Variants in KCNQ1OT1 observed in about 807,000 individuals in gnomAD.
KCNQ1OT1 encodes KCNQ1 antisense RNA 2 (non-protein coding).
exon 1 of KCNQ1OT1, chr11:2,633,821 G>C (rs1347660523): frequency 5.0e-6 from 2 of 398,460 alleles, no homozygotes; most frequent in Non-Finnish European, 8.8e-6. Context: ...CAAAAGCCAT[G>C]TATATTCAAG....
In KCNQ1OT1 at chr11:2,652,525, C is replaced by T; in HGVS notation, n.47470G>A. On this transcript the variant is annotated non_coding_transcript_exon_variant, in exon 1 of 1. Coordinates refer to ENST00000597346, the Ensembl canonical transcript of KCNQ1OT1. The surrounding 1 kb of genome is among the most constrained non-coding windows in gnomAD (Gnocchi z 5.9). ...TGGGGAATGTCCTGTGAGCTCAACT[C>T]TTGGAGAAGATAGTGCTTAACCCAG... 2.5e-6 allele frequency: 1 copy of T among 398,620 alleles called. No homozygotes were observed. The highest frequency in any genetic ancestry group is 4.4e-5 in the Admixed American group (1 of 22,738). The allele number at this position is 398,620 out of a possible 1,614,324, so 24.7% of individuals were successfully genotyped here.
At position 2,661,878 on chromosome 11, in the gene KCNQ1OT1, C is replaced by A; in HGVS notation, n.38117G>T. ...GCACAAGCTCCACTCCTCACCTGGC[C>A]CTGGGAGCTCACAGGCCTGGCTCCA... On this transcript the variant is annotated non_coding_transcript_exon_variant, in exon 1 of 1. Transcript: ENST00000597346. The surrounding 1 kb of genome is among the most constrained non-coding windows in gnomAD (Gnocchi z 5.9). 1 of 1,572,482 alleles carries A rather than the reference C, an allele frequency of 6.4e-7. No homozygotes were observed. Among genetic ancestry groups the A allele is most frequent in the Non-Finnish European group, 8.7e-7 (1 of 1,143,662 alleles).
At position 2,658,691 on chromosome 11, in the gene KCNQ1OT1, TATG is replaced by T. The variant is rs532335709; in HGVS notation, n.41301_41303del. 12 of 398,578 alleles carry T rather than the reference TATG, an allele frequency of 3.0e-5. No individual in the cohort carries two copies. The East Asian group carries it at 3.9e-4, about 13-fold the overall frequency. 24.7% of individuals were successfully genotyped at this position (398,578 alleles called of 1,614,324 possible). A position where few individuals can be genotyped will look rare whatever the true frequency, so the allele number is the denominator to read the frequency against. On this transcript the variant is annotated non_coding_transcript_exon_variant, in exon 1 of 1. Transcript: ENST00000597346. The surrounding 1 kb of genome is among the most constrained non-coding windows in gnomAD (Gnocchi z 4.9). ...TCTCAGTGGACAGAGCTAGGAAATA[TATG>T]TATGTATGTAACCTGAGTACACATA...
exon 1 of KCNQ1OT1, chr11:2,681,206 G>T (rs140575225): frequency 5.0e-6 from 2 of 398,484 alleles, no homozygotes; most frequent in African/African-American, 2.1e-5. Flanking sequence ...CAGTGTTTGT[G>T]TTCTATGAAG....
exon 1 of KCNQ1OT1, chr11:2,650,430 G>C (rs191052632): frequency 2.5e-6 from 1 of 398,426 alleles, no homozygotes; most frequent in Non-Finnish European, 4.4e-6. Flanking sequence ...CTGTACACGC[G>C]TCTGTAGTAT....
rs375725704 is a variant in KCNQ1OT1 at position 2,670,652 on chromosome 11, C to A, written n.29343G>T. 2.5e-6 allele frequency: 1 copy of A among 398,578 alleles called. No homozygotes were observed. Among genetic ancestry groups the A allele is most frequent in the Non-Finnish European group, 4.4e-6 (1 of 226,098 alleles). 24.7% of individuals were successfully genotyped at this position (398,578 alleles called of 1,614,324 possible). ...TGCATGGCAGAGGCCAGGATGAACC[C>A]TGAAGATTGGTAGGAAGGCAGTGTA... is the stretch of plus-strand genomic sequence containing the variant. On this transcript the variant is annotated non_coding_transcript_exon_variant, in exon 1 of 1. Coordinates refer to ENST00000597346, the Ensembl canonical transcript of KCNQ1OT1. The surrounding 1 kb of genome is among the most constrained non-coding windows in gnomAD (Gnocchi z 4.9).
At position 2,608,879 on chromosome 11, in the gene KCNQ1OT1, C is replaced by T. The variant is rs1361183261; in HGVS notation, n.91116G>A. The T allele has an allele frequency of 5.0e-6, 2 of 398,122 alleles. No individual in the cohort carries two copies. Among genetic ancestry groups the T allele is most frequent in the East Asian group, 3.6e-5 (1 of 28,070 alleles). 24.7% of individuals were successfully genotyped at this position (398,122 alleles called of 1,614,324 possible). A position where few individuals can be genotyped will look rare whatever the true frequency, so the allele number is the denominator to read the frequency against. ...TCTCCCCCTTTGCCTCATGCACTTCCCTCTCTGTCTTTCCTCCTCCCCCTC... is the reference window on the plus strand; with the variant it reads ...TCTCCCCCTTTGCCTCATGCACTTCTCTCTCTGTCTTTCCTCCTCCCCCTC... On this transcript the variant is annotated non_coding_transcript_exon_variant, in exon 1 of 1. Coordinates refer to ENST00000597346, the Ensembl canonical transcript of KCNQ1OT1. This position sits in a 1 kb window ranked among gnomAD's most constrained non-coding sequence, Gnocchi z 4.6.
exon 1 of KCNQ1OT1, chr11:2,655,838 T>G (rs1369905461): frequency 2.5e-6 from 1 of 398,356 alleles, no homozygotes; most frequent in Non-Finnish European, 4.4e-6. Flanking sequence ...GACAATAACC[T>G]CTCCTCTTGA....
Position 2,624,449 on chromosome 11 carries a change from C to G in KCNQ1OT1, n.75546G>C. 2.5e-6 allele frequency: 1 copy of G among 398,358 alleles called. No individual in the cohort carries two copies. The highest frequency in any genetic ancestry group is 3.6e-5 in the East Asian group (1 of 28,056). The allele number at this position is 398,358 out of a possible 1,614,324, so 24.7% of individuals were successfully genotyped here. A position where few individuals can be genotyped will look rare whatever the true frequency, so the allele number is the denominator to read the frequency against. ...AGTCTAGCTTATCAATTATTTCTTT[C>G]ATGAATCATGCCTTTGGTGTCATAT... is the stretch of plus-strand genomic sequence containing the variant. On this transcript the variant is annotated non_coding_transcript_exon_variant, in exon 1 of 1. Transcript: ENST00000597346. This position sits in a 1 kb window ranked among gnomAD's most constrained non-coding sequence, Gnocchi z 4.9.
Position 2,683,584 on chromosome 11 carries a change from C to G in KCNQ1OT1, n.16411G>C, listed in dbSNP as rs1231309906. The G allele has an allele frequency of 2.5e-6, 1 of 398,548 alleles. No individual in the cohort carries two copies. The highest frequency in any genetic ancestry group is 2.1e-5 in the African/African-American group (1 of 48,638). The allele number at this position is 398,548 out of a possible 1,614,324, so 24.7% of individuals were successfully genotyped here. On this transcript the variant is annotated non_coding_transcript_exon_variant, in exon 1 of 1. Coordinates refer to ENST00000597346, the Ensembl canonical transcript of KCNQ1OT1. This position sits in a 1 kb window ranked among gnomAD's most constrained non-coding sequence, Gnocchi z 4.7. ...ACTGACTGGCATCACAAACACTGCCCTGAAATGCCAACTCATTTCAAATAC... is the reference window on the plus strand; with the variant it reads ...ACTGACTGGCATCACAAACACTGCCGTGAAATGCCAACTCATTTCAAATAC...
exon 1 of KCNQ1OT1, chr11:2,689,067 CG>C (rs2133889812): frequency 2.5e-6 from 1 of 398,788 alleles, no homozygotes; most frequent in South Asian, 1.3e-4. Context: ...TCCTCCTCCC[CG>C]GTGGCACATC....
rs1850713334 is a variant in KCNQ1OT1 at position 2,698,334 on chromosome 11, C to G, written n.1661G>C. 1 of 398,586 alleles carries G rather than the reference C, an allele frequency of 2.5e-6. No homozygotes were observed. Among genetic ancestry groups the G allele is most frequent in the Non-Finnish European group, 4.4e-6 (1 of 226,060 alleles). The allele number at this position is 398,586 out of a possible 1,614,324, so 24.7% of individuals were successfully genotyped here. On this transcript the variant is annotated non_coding_transcript_exon_variant, in exon 1 of 1. Transcript: ENST00000597346. This position sits in a 1 kb window ranked among gnomAD's most constrained non-coding sequence, Gnocchi z 5.1. ...ACCAGAACAGTGCTGTGGGAAGGCA[C>G]TCTTACTCTCAATTTTATATAAAAG...
chr11:2,622,295 G>A (rs1715288517), exon 1 of KCNQ1OT1: 1 of 398,146 alleles, frequency 2.5e-6, no homozygotes, highest in Non-Finnish European at 4.4e-6. Context: ...TTCTCAGTAT[G>A]TAATGTCCTC....
chr11:2,675,926 C>CT (rs1174551824), exon 1 of KCNQ1OT1: 3 of 398,570 alleles, frequency 7.5e-6, no homozygotes, highest in African/African-American at 6.2e-5. Flanking sequence ...ATACAACAGT[C>CT]TTTACACACA....
chr11:2,656,619 T>C (rs1849852615), exon 1 of KCNQ1OT1: 5 of 398,690 alleles, frequency 1.3e-5, no homozygotes, highest in Non-Finnish European at 1.8e-5. Context: ...CATTTTCTAT[T>C]AAGTCATTTA....
chr11:2,696,750 T>C (rs915351021), exon 1 of KCNQ1OT1: 2 of 398,596 alleles, frequency 5.0e-6, no homozygotes, highest in East Asian at 7.1e-5. Context: ...AGTTTTAAAA[T>C]TTTTTCCATA....
chr11:2,671,767 A>G lies in KCNQ1OT1; in HGVS notation n.28228T>C. 2.5e-6 allele frequency: 1 copy of G among 398,746 alleles called. No homozygotes were observed. 24.7% of individuals were successfully genotyped at this position (398,746 alleles called of 1,614,324 possible). On this transcript the variant is annotated non_coding_transcript_exon_variant, in exon 1 of 1. Transcript: ENST00000597346. The surrounding 1 kb of genome is among the most constrained non-coding windows in gnomAD (Gnocchi z 4.7). The stretch of plus-strand genomic sequence containing the variant: ...GAGCTACATACACATACATGCATGC[A>G]CATAATCATTCTGACCCAGTCAGGG...
chr11:2,617,435 G>T lies in KCNQ1OT1; in HGVS notation n.82560C>A. ...TTTTAATGCGGAATAATATTCCATT[G>T]TAGACATACACACCACAGTTTAGTC... is the stretch of plus-strand genomic sequence containing the variant. On this transcript the variant is annotated non_coding_transcript_exon_variant, in exon 1 of 1. Coordinates refer to ENST00000597346, the Ensembl canonical transcript of KCNQ1OT1. The surrounding 1 kb of genome is among the most constrained non-coding windows in gnomAD (Gnocchi z 4.6). 5.0e-6 allele frequency: 2 copies of T among 398,338 alleles called. No individual in the cohort carries two copies. Among genetic ancestry groups the T allele is most frequent in the Non-Finnish European group, 8.9e-6 (2 of 225,922 alleles). 24.7% of individuals were successfully genotyped at this position (398,338 alleles called of 1,614,324 possible).
rs1849650932 is a variant in KCNQ1OT1, at chr11:2,645,392, C to T, written n.54603G>A. ...GGGAGAAAAGAGGGTGGGACCAGGC[C>T]AGGTGGGCCTGTCCTGAGGCCCTCC... On this transcript the variant is annotated non_coding_transcript_exon_variant, in exon 1 of 1. Coordinates refer to ENST00000597346, the Ensembl canonical transcript of KCNQ1OT1. This position sits in a 1 kb window ranked among gnomAD's most constrained non-coding sequence, Gnocchi z 5.8. The T allele has an allele frequency of 5.0e-6, 2 of 398,672 alleles. No homozygotes were observed. The allele number at this position is 398,672 out of a possible 1,614,324, so 24.7% of individuals were successfully genotyped here. A position where few individuals can be genotyped will look rare whatever the true frequency, so the allele number is the denominator to read the frequency against.
Sources: allele counts gnomAD v4.1 joint callset, GRCh38; gene constraint gnomAD v4.1.1; non-coding constraint Gnocchi (gnomAD v3.1); transcripts MANE v1.5; gene names NCBI Gene and HGNC (gene_info 2026-07-23, HGNC 2026-07-21).